MACO1: variants seen among roughly 807,000 people sequenced by gnomAD.
The protein encoded by MACO1 is macoilin.
A neutral mutation model predicts 78.7 loss-of-function variants in MACO1; 14 were observed. The observed-to-expected ratio is 0.18, with a 90% CI of 0.12 to 0.28. MACO1 has a LOEUF of 0.28. Ranked by LOEUF, MACO1 falls within the 10% of genes least tolerant of loss-of-function variation. MACO1 has a pLI of 1.00. For synonymous variants in MACO1, 288 were observed against 291.6 expected (o/e 0.99, Z 0.12); for missense variants, 501 against 799.0 (o/e 0.63, Z 4.50).
chr1:25,449,568 C>G (rs928715106), intron 3 of MACO1, among the ~76,000 whole-genome samples: 1 of 152,046 alleles, frequency 6.6e-6, no homozygotes, highest in Non-Finnish European at 1.5e-5. Flanking sequence ...TGGGGTCTCA[C>G]TATGTTGCCC....
intron 7 of MACO1, 51 bp downstream of exon 7, chr1:25,484,325 TCTC>T (rs769062778): frequency 3.3e-6 from 5 of 1,517,484 alleles, no homozygotes; most frequent in African/African-American, 2.8e-5. Context: ...CTTCACTGCT[TCTC>T]CTGTTGCCAG....
rs746773632 is a variant in MACO1 at position 25,448,938 on chromosome 1, A to G, written c.349+4A>G. 2.0e-5 allele frequency: 29 copies of G among 1,435,280 alleles called. No homozygotes were observed. Among genetic ancestry groups the G allele is most frequent in the Non-Finnish European group, 2.4e-5 (26 of 1,077,242 alleles). The allele number at this position is 1,435,280 out of a possible 1,614,324, so 88.9% of individuals were successfully genotyped here. A position where few individuals can be genotyped will look rare whatever the true frequency, so the allele number is the denominator to read the frequency against. The stretch of plus-strand genomic sequence containing the variant: ...GTTCAGTACGTATGGCACACAGGTA[A>G]GTCTTAATGATTTCTTAGATGGATA... On this transcript the variant is annotated splice_donor_region_variant and intron_variant, in intron 3 of 10. Coordinates refer to ENST00000374343, the MANE Select transcript of MACO1 (RefSeq NM_018202.6).
At chr1:25,445,599 A>T (rs2043009079) in intron 1 of MACO1, among the ~76,000 whole-genome samples, 1 of 149,102 alleles carries the variant, frequency 6.7e-6, no homozygotes, top group African/African-American at 2.5e-5. Context: ...TTTTACTTTA[A>T]GTTCTTGCTT....
chr1:25,446,928 C>T (rs2043020083), intron 2 of MACO1, 25 bp downstream of exon 2: 2 of 1,604,840 alleles, frequency 1.2e-6, no homozygotes, highest in South Asian at 1.1e-5. Context: ...ACATGTTTTC[C>T]ATGTGTGGGG....
chr1:25,458,661 A>G lies in MACO1; in HGVS notation c.923A>G (p.Asn308Ser). Residue 308 changes from asparagine (N) to serine (S), a missense_variant, in exon 6 of 11, where the codon AAT (asparagine) becomes AGT (serine). Physicochemically the swap from Asn to Ser is conservative, Grantham distance 46. Transcript: ENST00000374343. Reference sequence around the variant, plus strand: ...AATGATCTTGTGGGAAGTACAGAAAATCTCTTGAAAGAGGACTCATGCACT... The same window carrying G: ...AATGATCTTGTGGGAAGTACAGAAAGTCTCTTGAAAGAGGACTCATGCACT... Reference protein sequence around the residue: ...LNNDLVGSTENLLKEDSCTAS... With the variant: ...LNNDLVGSTESLLKEDSCTAS... 6.2e-7 allele frequency: 1 copy of G among 1,614,152 alleles called. No individual in the cohort carries two copies. The highest frequency in any genetic ancestry group is 1.1e-5 in the South Asian group (1 of 91,086).
At chr1:25,486,750 ACTCT>A (rs1275782596) in intron 8 of MACO1, among the ~76,000 whole-genome samples, 1 of 151,798 alleles carries the variant, frequency 6.6e-6, no homozygotes, top group Admixed American at 6.6e-5. Context: ...GCAAGTGAGA[ACTCT>A]CTCCTGTGTG....
chr1:25,493,406 A>G (rs1277310746), intron 10 of MACO1, among the ~76,000 whole-genome samples: 4 of 150,908 alleles, frequency 2.7e-5, no homozygotes, highest in African/African-American at 4.9e-5. Flanking sequence ...ATGCCCAGCT[A>G]ATTTTTTTTT....
At position 25,485,899 on chromosome 1, in the gene MACO1, T is replaced by C. The variant is rs2043426125; in HGVS notation, c.1496+104T>C. The C allele has an allele frequency of 1.6e-6, 2 of 1,236,230 alleles. No individual in the cohort carries two copies. The highest frequency in any genetic ancestry group is 1.5e-5 in the African/African-American group (1 of 66,204). 76.6% of individuals were successfully genotyped at this position (1,236,230 alleles called of 1,614,324 possible). Reference sequence around the variant, plus strand: ...GGCAGGATTGGACGTACAGCAATCATGCACGGATGGATTGCTTTTAAGTAC... The same window carrying C: ...GGCAGGATTGGACGTACAGCAATCACGCACGGATGGATTGCTTTTAAGTAC... On this transcript the variant is annotated intron_variant, in intron 8 of 10. Coordinates refer to ENST00000374343, the MANE Select transcript of MACO1 (RefSeq NM_018202.6). The surrounding 1 kb of genome is among the most constrained non-coding windows in gnomAD (Gnocchi z 4.3).
At chr1:25,474,022 T>G (rs1474650739) in intron 6 of MACO1, among the ~76,000 whole-genome samples, 3 of 152,232 alleles carry the variant, frequency 2.0e-5, no homozygotes, top group Admixed American at 6.5e-5. Context: ...CTCAGACTCC[T>G]ACAGGAGTGA....
rs1162367298 is a variant in MACO1 at position 25,475,550 on chromosome 1, CAAAA to C, written c.1155-8550_1155-8547del. Among the ~76,000 whole-genome samples the C allele has an allele frequency of 7.9e-3, 452 of 56,972 alleles. 2 individuals are homozygous for C. Among genetic ancestry groups the C allele is most frequent in the African/African-American group, 0.023 (409 of 17,478 alleles). 37.4% of individuals were successfully genotyped at this position (56,972 alleles called of 152,430 possible). A position where few individuals can be genotyped will look rare whatever the true frequency, so the allele number is the denominator to read the frequency against. ...TCAACATAGCAAGACCCAGGCTCTA[CAAAA>C]AAAAAAAAAAAAAAAGGAAAAAAAG... is the stretch of plus-strand genomic sequence containing the variant. On this transcript the variant is annotated intron_variant, in intron 6 of 10. Coordinates refer to ENST00000374343, the MANE Select transcript of MACO1 (RefSeq NM_018202.6).
chr1:25,490,551 T>G (rs769026689), intron 9 of MACO1, among the ~76,000 whole-genome samples: 3 of 152,206 alleles, frequency 2.0e-5, no homozygotes, highest in Non-Finnish European at 4.4e-5. Context: ...ATTTACCTTT[T>G]TTAGGAATCC....
At chr1:25,438,718 C>T (rs2042941351) in intron 1 of MACO1, among the ~76,000 whole-genome samples, 2 of 152,092 alleles carry the variant, frequency 1.3e-5, no homozygotes, top group Non-Finnish European at 2.9e-5. Flanking sequence ...GCCTGGCCAA[C>T]GTGGCGAAAC....
rs1293204110 is a variant in MACO1 at position 25,498,787 on chromosome 1, G to T, written c.*321G>T. 1 of 246,766 alleles carries T rather than the reference G, an allele frequency of 4.1e-6. No homozygotes were observed. The highest frequency in any genetic ancestry group is 7.6e-6 in the Non-Finnish European group (1 of 130,996). 15.3% of individuals were successfully genotyped at this position (246,766 alleles called of 1,614,324 possible). A position where few individuals can be genotyped will look rare whatever the true frequency, so the allele number is the denominator to read the frequency against. ...TAGTTTCCTCTTGAAGAAAAAAAAA[G>T]CAGAGTTTTTGTTTTTCAACCCTTT... On this transcript the variant is annotated 3_prime_UTR_variant, in exon 11 of 11. Coordinates refer to ENST00000374343, the MANE Select transcript of MACO1 (RefSeq NM_018202.6).
chr1:25,491,660 G>A (rs1457517168), intron 10 of MACO1, 76 bp downstream of exon 10: 1 of 1,342,992 alleles, frequency 7.4e-7, no homozygotes, highest in Non-Finnish European at 1.0e-6. Context: ...CCTCTCCTGA[G>A]AGCTCTCAAC....
chr1:25,485,035 G>A lies in MACO1; in HGVS notation c.1314-578G>A, dbSNP rs1473056220. On this transcript the variant is annotated intron_variant, in intron 7 of 10. Coordinates refer to ENST00000374343, the MANE Select transcript of MACO1 (RefSeq NM_018202.6). This position sits in a 1 kb window ranked among gnomAD's most constrained non-coding sequence, Gnocchi z 4.3. ...CTCATGCTGATAGGTAAAGCTGGGG[G>A]TGGTAGTAAGCAGGAAATATGGCTG... Among the ~76,000 whole-genome samples, 1 of 152,172 alleles carries A rather than the reference G, an allele frequency of 6.6e-6. No individual in the cohort carries two copies. The highest frequency in any genetic ancestry group is 1.5e-5 in the Non-Finnish European group (1 of 68,024).
At chr1:25,456,604 G>A (rs1571963709) in intron 4 of MACO1, 49 bp from the exon 5 acceptor site, 31 of 1,580,362 alleles carry the variant, frequency 2.0e-5, no homozygotes, top group Non-Finnish European at 2.6e-5. Flanking sequence ...TGAGGCACAT[G>A]TGGTTCATTT....
chr1:25,465,856 A>G (rs1263128569), intron 6 of MACO1, among the ~76,000 whole-genome samples: 1 of 152,224 alleles, frequency 6.6e-6, no homozygotes, highest in Non-Finnish European at 1.5e-5. Context: ...GAGTACAAAC[A>G]TGTAATATCA....
At chr1:25,458,360 T>G (rs2043141112) in intron 5 of MACO1, 31 bp from the exon 6 acceptor site, 1 of 1,540,680 alleles carries the variant, frequency 6.5e-7, no homozygotes. Context: ...GTGGGGGCTT[T>G]TTGTTTGTTG....
rs1013241629 is a variant in MACO1 at position 25,458,882 on chromosome 1, G to A, written c.1144G>A (p.Ala382Thr). 12 of 1,612,716 alleles carry A rather than the reference G, an allele frequency of 7.4e-6. No individual in the cohort carries two copies. Among genetic ancestry groups the A allele is most frequent in the South Asian group, 3.3e-5 (3 of 90,894 alleles). The change falls in exon 6 of 11, where the codon GCA (alanine) becomes ACA (threonine). Residue 382 changes from alanine to threonine, a missense_variant. Physicochemically the swap from Ala to Thr is moderately conservative, Grantham distance 58. Coordinates refer to ENST00000374343, the MANE Select transcript of MACO1 (RefSeq NM_018202.6). ...IPNNQLSKPD[A>T]LVRLEQDIKK... ...TAATAACCAGCTAAGCAAACCAGAC[G>A]CACTGGTCAGGTAAGTGCACATGCT...
Sources: gnomAD v4.1 joint callset for allele counts (sites outside exome capture counted in the v4.1 genomes callset) on GRCh38, gnomAD v4.1.1 for gene constraint, Gnocchi (gnomAD v3.1) non-coding constraint, MANE v1.5 for transcripts, NCBI Gene and HGNC (gene_info 2026-07-23, HGNC 2026-07-21) for gene names.